PSD3: variants seen among roughly 807,000 people sequenced by gnomAD.
PSD3 encodes PH and SEC7 domain-containing protein 3.
A neutral mutation model predicts 105.5 loss-of-function variants in PSD3; 49 were observed. The observed-to-expected ratio is 0.46, with a 90% CI of 0.37 to 0.59. The LOEUF is 0.59. Ranked by LOEUF, PSD3 falls within the 20% of genes least tolerant of loss-of-function variation. The pLI is 0.00. For missense variants in PSD3, 1,561 were observed against 1,263.8 expected, an observed-to-expected ratio of 1.24 and a Z score of -3.57; for synonymous variants, 557 against 457.8, an observed-to-expected ratio of 1.22 and a Z score of -2.77.
chr8:18,563,849 G>T (rs1057402062), intron 14 of PSD3, among the ~76,000 whole-genome samples: 4 of 152,126 alleles, frequency 2.6e-5, no homozygotes, highest in African/African-American at 7.2e-5. Flanking sequence ...AACTGTAAAG[G>T]GTGGATCAGA....
chr8:18,893,230 T>C (rs984642139), intron 2 of PSD3, among the ~76,000 whole-genome samples: 7 of 152,014 alleles, frequency 4.6e-5, no homozygotes, highest in South Asian at 4.1e-4. Flanking sequence ...GGGGTCAGCA[T>C]GGGAGCAGGA....
chr8:18,538,975 G>A (rs1799991725), intron 15 of PSD3, among the ~76,000 whole-genome samples: 1 of 152,164 alleles, frequency 6.6e-6, no homozygotes, highest in East Asian at 1.9e-4. Flanking sequence ...TTCGAGGGTT[G>A]ATGAGTTTGC....
chr8:18,782,293 T>A (rs1338147444), intron 8 of PSD3, among the ~76,000 whole-genome samples: 1 of 152,158 alleles, frequency 6.6e-6, no homozygotes. Flanking sequence ...TAACATTTGC[T>A]TCATCCAACT....
At chr8:19,040,703 T>C (rs1828093419) in intron 1 of PSD3, among the ~76,000 whole-genome samples, 1 of 152,158 alleles carries the variant, frequency 6.6e-6, no homozygotes, top group Admixed American at 6.5e-5. Flanking sequence ...GAGATCACAG[T>C]GGCTTGGACC....
At chr8:19,034,653 T>C (rs944987354) in intron 1 of PSD3, among the ~76,000 whole-genome samples, 19 of 152,200 alleles carry the variant, frequency 1.2e-4, no homozygotes, top group Admixed American at 1.2e-3. Context: ...AACAGGCTTG[T>C]GGCTTAGAGT....
At chr8:18,944,594 A>C (rs1822747934) in intron 1 of PSD3, among the ~76,000 whole-genome samples, 1 of 151,078 alleles carries the variant, frequency 6.6e-6, no homozygotes, top group African/African-American at 2.4e-5. Context: ...AAATAAATAA[A>C]TAAATAAATA....
At chr8:18,895,290 T>C (rs1258118899) in intron 2 of PSD3, among the ~76,000 whole-genome samples, 2 of 152,222 alleles carry the variant, frequency 1.3e-5, no homozygotes, top group African/African-American at 4.8e-5. Flanking sequence ...ACCAAAGTGA[T>C]TGCCTTCCCT....
chr8:19,004,108 T>C (rs1432779295), intron 1 of PSD3, among the ~76,000 whole-genome samples: 1 of 152,028 alleles, frequency 6.6e-6, no homozygotes, highest in Non-Finnish European at 1.5e-5. Context: ...CATTACAGTA[T>C]CTAAAAAGAT....
At chr8:18,749,953 C>T (rs190905606) in intron 9 of PSD3, among the ~76,000 whole-genome samples, 5 of 152,278 alleles carry the variant, frequency 3.3e-5, no homozygotes, top group African/African-American at 1.2e-4. Context: ...GAAATAGACA[C>T]AGTCCTGCCT....
intron 4 of PSD3, among the ~76,000 whole-genome samples, chr8:18,830,929 C>A (rs1252275124): frequency 6.6e-6 from 1 of 152,158 alleles, no homozygotes; most frequent in East Asian, 1.9e-4. Context: ...AAGGAGCTTC[C>A]CTGAAACCAT....
intron 1 of PSD3, among the ~76,000 whole-genome samples, chr8:19,063,291 A>T (rs1828964561): frequency 6.6e-6 from 1 of 152,258 alleles, no homozygotes; most frequent in South Asian, 2.1e-4. Flanking sequence ...TTTATTAGCT[A>T]ACCAAAATAT....
rs191631540 is a variant in PSD3 at position 18,748,589 on chromosome 8, T to C, written c.2172+16860A>G. The stretch of plus-strand genomic sequence containing the variant: ...GCAGGAGAATGGCGTGAACCTGGGA[T>C]GCAGAGCTTGCAGTGAGCTGAGATC... On this transcript the variant is annotated intron_variant, in intron 9 of 15. Transcript: ENST00000327040. Among the ~76,000 whole-genome samples, 490 of 141,238 alleles carry C rather than the reference T, an allele frequency of 3.5e-3. 4 individuals are homozygous for C. The highest frequency in any genetic ancestry group is 5.4e-3 in the Admixed American group (69 of 12,828). The allele number at this position is 141,238 out of a possible 152,430, so 92.7% of individuals were successfully genotyped here.
intron 11 of PSD3, among the ~76,000 whole-genome samples, chr8:18,615,143 T>C (rs898327506): frequency 1.3e-5 from 2 of 150,092 alleles, no homozygotes; most frequent in South Asian, 4.2e-4. Context: ...GCAACCTTTT[T>C]CGATTACCTA....
chr8:18,909,934 T>C (rs907259127), intron 2 of PSD3, among the ~76,000 whole-genome samples: 1 of 152,234 alleles, frequency 6.6e-6, no homozygotes, highest in African/African-American at 2.4e-5. Context: ...TTAACTTTGG[T>C]TGCTGGAAGT....
At chr8:18,804,277 T>C in intron 6 of PSD3, 1 of 378,210 alleles carries the variant, frequency 2.6e-6, no homozygotes, top group Non-Finnish European at 4.7e-6. Context: ...AAATGCTCCC[T>C]AAAGCATTTC....
intron 9 of PSD3, among the ~76,000 whole-genome samples, chr8:18,686,298 G>A (rs1193496077): frequency 6.6e-6 from 1 of 152,126 alleles, no homozygotes; most frequent in Non-Finnish European, 1.5e-5. Flanking sequence ...AGGTAATATT[G>A]CAATCCCCAC....
chr8:18,951,149 C>T (rs1426989054), intron 1 of PSD3, among the ~76,000 whole-genome samples: 1 of 152,154 alleles, frequency 6.6e-6, no homozygotes. Flanking sequence ...GATCCCAGCA[C>T]TTTGGGAGGC....
At chr8:18,688,250 C>G (rs1800773790) in intron 9 of PSD3, among the ~76,000 whole-genome samples, 1 of 142,764 alleles carries the variant, frequency 7.0e-6, no homozygotes, top group African/African-American at 2.9e-5. Context: ...ACGATCACGT[C>G]AGGCTGTTTG....
intron 9 of PSD3, among the ~76,000 whole-genome samples, chr8:18,737,419 G>A (rs745839239): frequency 6.6e-6 from 1 of 152,030 alleles, no homozygotes; most frequent in Non-Finnish European, 1.5e-5. Flanking sequence ...TGGCTTCCTG[G>A]GCTCAAGCGA....
Sources: allele counts gnomAD v4.1 joint callset (sites outside exome capture counted in the v4.1 genomes callset), GRCh38; gene constraint gnomAD v4.1.1; transcripts MANE v1.5; gene names NCBI Gene and HGNC (gene_info 2026-07-23, HGNC 2026-07-21).